The following MAP2K5 variants were observed in gnomAD, a reference collection of about 807,000 sequenced individuals.
The protein encoded by MAP2K5 is dual specificity mitogen-activated protein kinase kinase 5.
A neutral mutation model predicts 83.1 loss-of-function variants in MAP2K5; 49 were observed. The ratio of observed to expected loss-of-function variants is 0.59; its 90% CI spans 0.47 to 0.75. The LOEUF (loss-of-function observed/expected upper bound fraction) is 0.75, where lower values mean the gene tolerates loss of function less well. MAP2K5 is among the 30% of genes least tolerant of loss of function. The pLI is 0.00. For synonymous variants in MAP2K5, 202 were observed against 191.8 expected (o/e 1.05, Z -0.44); for missense variants, 457 against 557.5 (o/e 0.82, Z 1.82).
Position 67,768,327 on chromosome 15 carries a change from G to A in MAP2K5, c.1135-1275G>A, listed in dbSNP as rs1022492220. On this transcript the variant is annotated intron_variant, in intron 19 of 21. Coordinates refer to ENST00000178640, the MANE Select transcript of MAP2K5 (RefSeq NM_145160.3). The surrounding 1 kb of genome is among the most constrained non-coding windows in gnomAD (Gnocchi z 4.0). ...CATTGATAATGACACGCATATTGCA[G>A]AGGTGCTTTTATCATCTTCTTTTTT... is the stretch of plus-strand genomic sequence containing the variant. Among the ~76,000 whole-genome samples the A allele has an allele frequency of 4.6e-5, 7 of 152,186 alleles. No individual in the cohort carries two copies. Among genetic ancestry groups the A allele is most frequent in the African/African-American group, 1.7e-4 (7 of 41,450 alleles).
intron 8 of MAP2K5, among the ~76,000 whole-genome samples, chr15:67,606,946 A>G (rs962588155): frequency 3.3e-5 from 5 of 152,230 alleles, no homozygotes; most frequent in African/African-American, 4.8e-5. Flanking sequence ...TCTTTCACCA[A>G]CCAACCTGAA....
intron 21 of MAP2K5, among the ~76,000 whole-genome samples, chr15:67,792,290 A>G (rs2090531278): frequency 6.6e-6 from 1 of 152,174 alleles, no homozygotes; most frequent in South Asian, 2.1e-4. Context: ...AATTTCAAGG[A>G]TAATTAGTTT....
chr15:67,734,544 A>C (rs2089296132), intron 17 of MAP2K5, among the ~76,000 whole-genome samples: 1 of 152,156 alleles, frequency 6.6e-6, no homozygotes, highest in African/African-American at 2.4e-5. Flanking sequence ...GAGTTTTTAC[A>C]CTTAATTTTA....
rs182269436 is a variant in MAP2K5, at chr15:67,769,026, G to A, written c.1135-576G>A. Among the ~76,000 whole-genome samples the A allele has an allele frequency of 1.6e-4, 25 of 152,078 alleles. No individual in the cohort carries two copies. The highest frequency in any genetic ancestry group is 2.5e-4 in the Non-Finnish European group (17 of 67,994). On this transcript the variant is annotated intron_variant, in intron 19 of 21. Coordinates refer to ENST00000178640, the MANE Select transcript of MAP2K5 (RefSeq NM_145160.3). The surrounding 1 kb of genome is among the most constrained non-coding windows in gnomAD (Gnocchi z 5.2). ...CCTTAATTCACTGGCTTTCTCATAT[G>A]AGGAGTCTGCCTAGACTGGCAAATA...
rs1461326303 is a variant in MAP2K5 at position 67,636,177 on chromosome 15, C to A, written c.585+5250C>A. 6.6e-6 allele frequency among the ~76,000 whole-genome samples: 1 copy of A among 152,164 alleles called. No homozygotes were observed. Among genetic ancestry groups the A allele is most frequent in the Non-Finnish European group, 1.5e-5 (1 of 68,024 alleles). ...CCTGTAATCCCAGCACTTTGAAAGG[C>A]TGAGGTGGGCGGATCATGAGGTCAG... On this transcript the variant is annotated intron_variant, in intron 9 of 21. Transcript: ENST00000178640. This position sits in a 1 kb window ranked among gnomAD's most constrained non-coding sequence, Gnocchi z 4.7.
intron 16 of MAP2K5, among the ~76,000 whole-genome samples, chr15:67,713,103 G>A (rs1460643366): frequency 6.6e-6 from 1 of 152,062 alleles, no homozygotes; most frequent in African/African-American, 2.4e-5. Context: ...GTACAAGATT[G>A]CCCTTCTCTT....
Position 67,668,042 on chromosome 15 carries a change from T to C in MAP2K5, c.847+3397T>C, listed in dbSNP as rs1032809535. ...TGTTAACTGGAAATTGTTTTGGAAA[T>C]TGAAGCACAGCAGTTGCTATTCATA... On this transcript the variant is annotated intron_variant, in intron 13 of 21. Transcript: ENST00000178640. The surrounding 1 kb of genome is among the most constrained non-coding windows in gnomAD (Gnocchi z 4.0). Among the ~76,000 whole-genome samples the C allele has an allele frequency of 6.6e-6, 1 of 152,198 alleles. No individual in the cohort carries two copies. Among genetic ancestry groups the C allele is most frequent in the African/African-American group, 2.4e-5 (1 of 41,470 alleles).
chr15:67,675,232 G>C (rs1381522828), intron 13 of MAP2K5, among the ~76,000 whole-genome samples: 1 of 152,194 alleles, frequency 6.6e-6, no homozygotes, highest in Non-Finnish European at 1.5e-5. Flanking sequence ...TAAGCAAGCT[G>C]TGGGCATTCA....
rs1318463463 is a variant in MAP2K5 at position 67,717,684 on chromosome 15, T to C, written c.1045-10232T>C. On this transcript the variant is annotated intron_variant, in intron 16 of 21. Transcript: ENST00000178640. The surrounding 1 kb of genome is among the most constrained non-coding windows in gnomAD (Gnocchi z 4.1). ...TCAAAAGCCTCTCATGAGGTTGCAG[T>C]TGGGTAGTGGTTAAGGATGGAAGAT... is the stretch of plus-strand genomic sequence containing the variant. Among the ~76,000 whole-genome samples, 5 of 152,096 alleles carry C rather than the reference T, an allele frequency of 3.3e-5. No individual in the cohort carries two copies. Among genetic ancestry groups the C allele is most frequent in the Non-Finnish European group, 7.4e-5 (5 of 68,014 alleles).
chr15:67,796,630 TGAGG>T (rs1566967403), intron 21 of MAP2K5, among the ~76,000 whole-genome samples: 9 of 152,236 alleles, frequency 5.9e-5, no homozygotes, highest in Non-Finnish European at 1.2e-4. Flanking sequence ...GTGATTTGAG[TGAGG>T]TCAAATATCC....
In MAP2K5 at chr15:67,774,602, A is replaced by G. The variant is rs139966646; in HGVS notation, c.1242+1850A>G. ...ACTTAAGCCACATCCTAGGGGCCCA[A>G]TCTAAAGGAACCAGCCTCTTTATTC... On this transcript the variant is annotated intron_variant, in intron 21 of 21. Coordinates refer to ENST00000178640, the MANE Select transcript of MAP2K5 (RefSeq NM_145160.3). The surrounding 1 kb of genome is among the most constrained non-coding windows in gnomAD (Gnocchi z 4.9). 2.4e-4 allele frequency among the ~76,000 whole-genome samples: 37 copies of G among 152,330 alleles called. 1 individual carries two copies. Among genetic ancestry groups the G allele is most frequent in the Admixed American group, 5.2e-4 (8 of 15,308 alleles).
At chr15:67,624,448 T>G (rs532434567) in intron 8 of MAP2K5, among the ~76,000 whole-genome samples, 6 of 152,178 alleles carry the variant, frequency 3.9e-5, no homozygotes, top group East Asian at 1.9e-4. Context: ...TGGCACTGAT[T>G]GCAGAATGCT....
intron 19 of MAP2K5, among the ~76,000 whole-genome samples, chr15:67,759,125 T>TA (rs2089899426): frequency 1.3e-5 from 2 of 152,230 alleles, no homozygotes; most frequent in African/African-American, 4.8e-5. Flanking sequence ...TGTGTTATCT[T>TA]AAAAAATTCA....
Position 67,543,464 on chromosome 15 carries a change from T to A in MAP2K5, c.129T>A (p.Asp43Glu). Residue 43 changes from aspartate (D) to glutamate (E), a missense_variant, in exon 1 of 22, where the codon GAT becomes GAA. By Grantham distance (45) the Asp-to-Glu change is conservative. Coordinates refer to ENST00000178640, the MANE Select transcript of MAP2K5 (RefSeq NM_145160.3). The surrounding 1 kb of genome is among the most constrained non-coding windows in gnomAD (Gnocchi z 4.3). ...CCGGGCCGCAGTTACTCTTCAGGGA[T>A]GTGCTGGTGAGTGGTAATCTCAGTG... is the stretch of plus-strand genomic sequence containing the variant. ...VHSGPQLLFR[D>E]VLDVIGQVLP... 6.2e-7 allele frequency: 1 copy of A among 1,614,128 alleles called. No individual in the cohort carries two copies. Among genetic ancestry groups the A allele is most frequent in the South Asian group, 1.1e-5 (1 of 91,084 alleles).
intron 13 of MAP2K5, among the ~76,000 whole-genome samples, chr15:67,691,318 G>C (rs1400391785): frequency 6.6e-6 from 1 of 152,144 alleles, no homozygotes; most frequent in Non-Finnish European, 1.5e-5. Context: ...TATTTAGCAG[G>C]CTAAATGAGC....
At chr15:67,667,345 A>G (rs1044483197) in intron 13 of MAP2K5, among the ~76,000 whole-genome samples, 4 of 152,198 alleles carry the variant, frequency 2.6e-5, no homozygotes, top group African/African-American at 4.8e-5. Flanking sequence ...ATACTTGTTT[A>G]TGCACTTTTG....
rs979479741 is a variant in MAP2K5 at position 67,690,902 on chromosome 15, G to A, written c.848-1577G>A. 2.0e-5 allele frequency among the ~76,000 whole-genome samples: 3 copies of A among 152,142 alleles called. No individual in the cohort carries two copies. The highest frequency in any genetic ancestry group is 4.1e-4 in the South Asian group (2 of 4,828). ...AGTGAGCAAGATACTGTGCTTGGAA[G>A]GGATACATTTAAAGATGTTTTAAGT... On this transcript the variant is annotated intron_variant, in intron 13 of 21. Coordinates refer to ENST00000178640, the MANE Select transcript of MAP2K5 (RefSeq NM_145160.3). The surrounding 1 kb of genome is among the most constrained non-coding windows in gnomAD (Gnocchi z 4.3).
At chr15:67,796,430 G>A (rs2090605534) in intron 21 of MAP2K5, among the ~76,000 whole-genome samples, 1 of 152,172 alleles carries the variant, frequency 6.6e-6, no homozygotes, top group South Asian at 2.1e-4. Flanking sequence ...ATGGCAGAAG[G>A]CAAGAGGGGA....
At chr15:67,574,532 A>G (rs1360749979) in intron 3 of MAP2K5, among the ~76,000 whole-genome samples, 2 of 150,102 alleles carry the variant, frequency 1.3e-5, no homozygotes, top group Non-Finnish European at 3.0e-5. Flanking sequence ...GGATCGCACC[A>G]TTGCACTCCA....
Sources: gnomAD v4.1 joint callset for allele counts (sites outside exome capture counted in the v4.1 genomes callset) on GRCh38, gnomAD v4.1.1 for gene constraint, Gnocchi (gnomAD v3.1) non-coding constraint, MANE v1.5 for transcripts, NCBI Gene and HGNC (gene_info 2026-07-23, HGNC 2026-07-21) for gene names.